Variants in PCID2 observed in about 807,000 individuals in gnomAD.
PCID2 encodes PCI domain-containing protein 2.
In PCID2, 41 loss-of-function variants were observed where a neutral mutation model predicts 61.3. The observed-to-expected ratio is 0.67, with a 90% CI of 0.52 to 0.87. PCID2 has a LOEUF of 0.87. PCID2 is among the 40% of genes least tolerant of loss of function. The pLI, the probability that PCID2 is intolerant of heterozygous loss-of-function variation, is 0.00. For missense variants in PCID2, 392 were observed against 493.4 expected, an observed-to-expected ratio of 0.79 and a Z score of 1.95; for synonymous variants, 187 against 177.8, an observed-to-expected ratio of 1.05 and a Z score of -0.41.
At chr13:113,202,826 C>T (rs1219564177) in intron 1 of PCID2, among the ~76,000 whole-genome samples, 1 of 152,050 alleles carries the variant, frequency 6.6e-6, no homozygotes, top group African/African-American at 2.4e-5. Context: ...CTGAGCACAC[C>T]TTTAAATATA....
intron 7 of PCID2, chr13:113,190,648 AG>A (rs1469257768): frequency 5.3e-6 from 2 of 378,040 alleles, no homozygotes; most frequent in Non-Finnish European, 9.4e-6. Context: ...GAGGAGCTCC[AG>A]GCATGGTCAA....
rs1052776432 is a variant in PCID2, at chr13:113,179,323, G to C, written c.987-234C>G. Among the ~76,000 whole-genome samples, 1 of 151,796 alleles carries C rather than the reference G, an allele frequency of 6.6e-6. No individual in the cohort carries two copies. Among genetic ancestry groups the C allele is most frequent in the South Asian group, 2.1e-4 (1 of 4,828 alleles). The stretch of plus-strand genomic sequence containing the variant: ...ATTATTTTCTAAGTATTTCATTAAG[G>C]TTCGGTTTTTTTTTTCACATTTTAA... On this transcript the variant is annotated intron_variant, in intron 12 of 13. Transcript: ENST00000337344. This position sits in a 1 kb window ranked among gnomAD's most constrained non-coding sequence, Gnocchi z 4.3.
chr13:113,193,704 G>A (rs1241945747), intron 6 of PCID2, among the ~76,000 whole-genome samples: 1 of 151,946 alleles, frequency 6.6e-6, no homozygotes, highest in Non-Finnish European at 1.5e-5. Flanking sequence ...GCTTTCTGAG[G>A]TCTTCAGTAT....
chr13:113,182,278 G>A (rs564319444), intron 9 of PCID2, among the ~76,000 whole-genome samples: 1 of 152,206 alleles, frequency 6.6e-6, no homozygotes, highest in South Asian at 2.1e-4. Flanking sequence ...ATCCAGTCTT[G>A]CACAGTGAGC....
downstream of PCID2, among the ~76,000 whole-genome samples, chr13:113,175,610 A>G (rs924253775): frequency 6.6e-6 from 1 of 152,202 alleles, no homozygotes; most frequent in African/African-American, 2.4e-5. Flanking sequence ...CTCCGCCGGC[A>G]TGAGTTTGCT....
In PCID2 at chr13:113,208,621, G is replaced by C. The variant is rs781253894; in HGVS notation, c.14C>G (p.Thr5Ser). The change falls in exon 1 of 14, where the codon ACC becomes AGC. Residue 5 changes from threonine to serine, a missense_variant. Thr to Ser is a moderately conservative substitution (Grantham distance 58). Transcript: ENST00000337344. MAHI[T>S]INQYLQQVYE... ...CACCTGCTGCAGGTACTGGTTAATG[G>C]TAATGTGCGCCATGGGAGCGCCGCC... 8.7e-6 allele frequency: 14 copies of C among 1,608,380 alleles called. No homozygotes were observed. In the East Asian group the frequency reaches 3.1e-4, roughly 36 times the overall value.
intron 1 of PCID2, among the ~76,000 whole-genome samples, chr13:113,206,631 T>C (rs1028638669): frequency 6.6e-6 from 1 of 152,270 alleles, no homozygotes; most frequent in Non-Finnish European, 1.5e-5. Flanking sequence ...TTACCATGTA[T>C]AACCGGTTGC....
At chr13:113,195,201 G>C in intron 5 of PCID2, 76 bp from the exon 6 acceptor site, 1 of 865,342 alleles carries the variant, frequency 1.2e-6, no homozygotes, top group South Asian at 1.3e-5. Context: ...GGAAGAACAC[G>C]GACACCCAGG....
chr13:113,182,592 C>T lies in PCID2; in HGVS notation c.686-1362G>A, dbSNP rs1262756573. ...TCAGCTCACTGCAAGCTCCGCCTCC[C>T]GGGTTCACGTCATTCTCCTGCCTCA... On this transcript the variant is annotated intron_variant, in intron 9 of 13. Coordinates refer to ENST00000337344, the MANE Select transcript of PCID2 (RefSeq NM_001127202.4). Among the ~76,000 whole-genome samples, 12 of 152,278 alleles carry T rather than the reference C, an allele frequency of 7.9e-5. No homozygotes were observed. The South Asian group carries it at 1.0e-3, about 13-fold the overall frequency.
At chr13:113,200,103 C>T (rs2039305214) in intron 2 of PCID2, among the ~76,000 whole-genome samples, 1 of 152,204 alleles carries the variant, frequency 6.6e-6, no homozygotes, top group Admixed American at 6.5e-5. Context: ...ACCTGTGGTA[C>T]ATGACGTCTA....
the PCID2 span, chr13:113,170,305 G>A: frequency 4.5e-6 from 3 of 673,616 alleles, no homozygotes; most frequent in Non-Finnish European, 5.3e-6. Flanking sequence ...TTGGCGGGGG[G>A]TGGGGGTGGG....
chr13:113,195,042 A>AAAT (rs767289522), intron 6 of PCID2, 29 bp downstream of exon 6: 2 of 1,501,260 alleles, frequency 1.3e-6, no homozygotes, highest in East Asian at 2.3e-5. Flanking sequence ...TTTAGTTTTA[A>AAAT]AATAATAATG....
At chr13:113,165,463 A>G in the PCID2 span, among the ~76,000 whole-genome samples, 1 of 152,036 alleles carries the variant, frequency 6.6e-6, no homozygotes, top group Non-Finnish European at 1.5e-5. Context: ...AAATTTCTCT[A>G]GTTTGGCATT....
intron 7 of PCID2, among the ~76,000 whole-genome samples, chr13:113,189,604 T>C (rs2038423459): frequency 6.7e-6 from 1 of 149,806 alleles, no homozygotes; most frequent in Non-Finnish European, 1.5e-5. Context: ...GAAGAAAAAA[T>C]GGAAATTCTA....
the PCID2 span, among the ~76,000 whole-genome samples, chr13:113,165,719 C>T: frequency 1.3e-5 from 2 of 152,120 alleles, no homozygotes; most frequent in East Asian, 1.9e-4. Context: ...TTAGTAGAGA[C>T]GGGGTTTCAC....
chr13:113,184,204 T>C, intron 9 of PCID2, 142 bp downstream of exon 9: 1 of 882,674 alleles, frequency 1.1e-6, no homozygotes, highest in Non-Finnish European at 1.7e-6. Context: ...TAATCAGCTT[T>C]AGTGTCAAAT....
chr13:113,171,739 C>T, the PCID2 span: 20 of 1,612,026 alleles, frequency 1.2e-5, no homozygotes, highest in Middle Eastern at 4.9e-4. This position sits in a 1 kb window ranked among gnomAD's most constrained non-coding sequence, Gnocchi z 5.1. Context: ...CGGGGCTCCC[C>T]GTGTGCACCC....
At chr13:113,184,227 C>G in intron 9 of PCID2, 119 bp downstream of exon 9, 5 of 980,820 alleles carry the variant, frequency 5.1e-6, no homozygotes. Flanking sequence ...GTATATATAA[C>G]TTGGTCCACA....
Position 113,179,225 on chromosome 13 carries a change from A to G in PCID2, c.987-136T>C, listed in dbSNP as rs2037394721. The stretch of plus-strand genomic sequence containing the variant: ...CCACCTATTAGATAAACTCTAAACT[A>G]CACTCTCAGAGCTATTAAATCTAAT... On this transcript the variant is annotated intron_variant, in intron 12 of 13. Coordinates refer to ENST00000337344, the MANE Select transcript of PCID2 (RefSeq NM_001127202.4). The surrounding 1 kb of genome is among the most constrained non-coding windows in gnomAD (Gnocchi z 4.3). 1.7e-6 allele frequency: 1 copy of G among 588,050 alleles called. No homozygotes were observed. Among genetic ancestry groups the G allele is most frequent in the Non-Finnish European group, 2.9e-6 (1 of 345,096 alleles). 36.4% of individuals were successfully genotyped at this position (588,050 alleles called of 1,614,324 possible). A position where few individuals can be genotyped will look rare whatever the true frequency, so the allele number is the denominator to read the frequency against.
Sources: allele counts gnomAD v4.1 joint callset (sites outside exome capture counted in the v4.1 genomes callset), GRCh38; gene constraint gnomAD v4.1.1; non-coding constraint Gnocchi (gnomAD v3.1); transcripts MANE v1.5; gene names NCBI Gene and HGNC (gene_info 2026-07-23, HGNC 2026-07-21).